Variants in SPPL2B observed in about 807,000 individuals in gnomAD.
SPPL2B encodes the protein signal peptide peptidase-like 2B.
SPPL2B carries 39 observed loss-of-function variants against 59.7 expected under a neutral mutation model. That is an observed-to-expected ratio of 0.65 (90% confidence interval 0.51 to 0.85). SPPL2B has a LOEUF of 0.85. SPPL2B is among the 40% of genes least tolerant of loss of function. The pLI, the probability that SPPL2B is intolerant of heterozygous loss-of-function variation, is 0.00. For synonymous variants in SPPL2B, 419 were observed against 370.8 expected, an observed-to-expected ratio of 1.13 and a Z score of -1.49; for missense variants, 865 against 849.0, an observed-to-expected ratio of 1.02 and a Z score of -0.23.
At chr19:2,345,181 G>T in intron 12 of SPPL2B, 72 bp from the exon 13 acceptor site, 1 of 1,377,088 alleles carries the variant, frequency 7.3e-7, no homozygotes, top group Non-Finnish European at 1.0e-6. Flanking sequence ...TCAGGTGCCC[G>T]CCCGCTCCCA....
chr19:2,341,469 C>G lies in SPPL2B; in HGVS notation c.956+455C>G, dbSNP rs1182001324. On this transcript the variant is annotated intron_variant, in intron 8 of 14. Coordinates refer to ENST00000613503, the MANE Select transcript of SPPL2B (RefSeq NM_152988.3). ...GGTGGAGGTGGGGCAGGCACTGCTCCCCCCACGCTCACCTCCCACGTGGCC... is the reference window on the plus strand; with the variant it reads ...GGTGGAGGTGGGGCAGGCACTGCTCGCCCCACGCTCACCTCCCACGTGGCC... The G allele has an allele frequency of 6.7e-6, 3 of 445,324 alleles. No homozygotes were observed. In the East Asian group the frequency reaches 2.1e-4, roughly 32 times the overall value. The allele number at this position is 445,324 out of a possible 1,614,324, so 27.6% of individuals were successfully genotyped here.
Position 2,351,548 on chromosome 19 carries a change from T to C in SPPL2B, c.1469T>C (p.Leu490Pro). 6.2e-7 allele frequency: 1 copy of C among 1,611,436 alleles called. No homozygotes were observed. Among genetic ancestry groups the C allele is most frequent in the Non-Finnish European group, 8.5e-7 (1 of 1,179,382 alleles). ...CTLVTSCAVA[L>P]WRRELGVFWT... ...CTGGTGACGAGCTGCGCTGTGGCGC[T>C]CTGGCGCCGGGAGCTGGGCGTGTTC... Residue 490 changes from leucine (L) to proline (P), a missense_variant, in exon 14 of 15, where the codon CTC (leucine) becomes CCC (proline). Transcript: ENST00000613503.
chr19:2,333,213 G>A (rs1414927144), intron 1 of SPPL2B, among the ~76,000 whole-genome samples: 1 of 131,238 alleles, frequency 7.6e-6, no homozygotes, highest in Non-Finnish European at 1.6e-5. Context: ...TGGGAGGGGA[G>A]CAGGAGGAGG....
rs773213163 is a variant in SPPL2B, at chr19:2,344,587, C to T, written c.1211C>T (p.Ser404Phe). 8 of 1,613,304 alleles carry T rather than the reference C, an allele frequency of 5.0e-6. No homozygotes were observed. The highest frequency in any genetic ancestry group is 5.9e-6 in the Non-Finnish European group (7 of 1,179,716). ...GTCCTGAAGGTGCCCAGGCTGAACT[C>T]CTCACCTCTGGCCCTGTGTGACCGG... The part of the protein sequence containing the change: ...PMVLKVPRLN[S>F]SPLALCDRPF... Residue 404 changes from serine (S) to phenylalanine (F), a missense_variant, in exon 12 of 15, where the codon TCC becomes TTC. Ser to Phe is a radical substitution (Grantham distance 155, BLOSUM62 -2). Coordinates refer to ENST00000613503, the MANE Select transcript of SPPL2B (RefSeq NM_152988.3).
chr19:2,350,812 C>T (rs557681153), intron 13 of SPPL2B, among the ~76,000 whole-genome samples: 2 of 152,372 alleles, frequency 1.3e-5, no homozygotes, highest in East Asian at 1.9e-4. Context: ...GGGACATGAG[C>T]AAGGGGGTCC....
intron 13 of SPPL2B, among the ~76,000 whole-genome samples, chr19:2,346,414 C>T (rs1969374585): frequency 1.3e-5 from 2 of 152,260 alleles, no homozygotes; most frequent in Admixed American, 6.5e-5. Flanking sequence ...GTCTGTGATC[C>T]CAGCTTTCTG....
At chr19:2,341,086 A>ACTCCCTGCC (rs746988265) in intron 8 of SPPL2B, 72 bp downstream of exon 8, 35 of 1,100,268 alleles carry the variant, frequency 3.2e-5, no homozygotes, top group Non-Finnish European at 3.9e-5. Flanking sequence ...TGGGGCCCTG[A>ACTCCCTGCC]CTCCCTGCCC....
At chr19:2,347,248 G>T (rs372677029) in intron 13 of SPPL2B, among the ~76,000 whole-genome samples, 652 of 85,884 alleles carry the variant, frequency 7.6e-3, no homozygotes, top group Middle Eastern at 0.019. Flanking sequence ...TTCGCTTGAT[G>T]CCGTTCTCTC....
At chr19:2,330,707 G>A (rs1011637275) in intron 1 of SPPL2B, 1 of 152,590 alleles carries the variant, frequency 6.6e-6, no homozygotes, top group African/African-American at 2.4e-5. Flanking sequence ...GCCCCAGGCA[G>A]AGAGTGAAGG....
chr19:2,342,761 G>C (rs890130869), intron 8 of SPPL2B: 2 of 183,288 alleles, frequency 1.1e-5, no homozygotes, highest in African/African-American at 4.7e-5. Flanking sequence ...ACAGCGTGAC[G>C]CCCACCATCC....
intron 12 of SPPL2B, 75 bp downstream of exon 12, chr19:2,344,727 G>A (rs1019276488): frequency 4.3e-6 from 4 of 926,346 alleles, no homozygotes; most frequent in African/African-American, 1.6e-5. Flanking sequence ...GCCTTTGGGA[G>A]TGAGTGGCCC....
chr19:2,350,386 C>T (rs567883418), intron 13 of SPPL2B, among the ~76,000 whole-genome samples: 2 of 149,876 alleles, frequency 1.3e-5, no homozygotes, highest in African/African-American at 4.9e-5. Context: ...CACACACACT[C>T]GCGTTCTCAT....
chr19:2,352,520 G>T (rs1302373527), intron 14 of SPPL2B, among the ~76,000 whole-genome samples: 1 of 152,166 alleles, frequency 6.6e-6, no homozygotes, highest in African/African-American at 2.4e-5. Context: ...GCCGAGCTGG[G>T]CTCATGGGTC....
At chr19:2,328,928 G>C (rs1020073421) in intron 1 of SPPL2B, among the ~76,000 whole-genome samples, 153 bp downstream of exon 1, 2 of 152,142 alleles carry the variant, frequency 1.3e-5, no homozygotes, top group African/African-American at 2.4e-5. Context: ...GCGGTGCCGG[G>C]GCTCGGCCGT....
intron 13 of SPPL2B, among the ~76,000 whole-genome samples, chr19:2,349,134 C>T (rs552817090): frequency 2.6e-5 from 3 of 114,604 alleles, no homozygotes; most frequent in South Asian, 3.2e-4. Flanking sequence ...CACACACACT[C>T]GCGTTCTCAT....
In SPPL2B at chr19:2,338,643, G is replaced by C. The variant is rs1041265344; in HGVS notation, c.370-109G>C. On this transcript the variant is annotated intron_variant, in intron 3 of 14. Transcript: ENST00000613503. ...GGGAGCCAGCAGGCGCCCCCAGCCT[G>C]ACCCGAGCCTCGAGTGAGGGTCCCA... is the stretch of plus-strand genomic sequence containing the variant. The C allele has an allele frequency of 1.1e-5, 8 of 710,022 alleles. No individual in the cohort carries two copies. In the African/African-American group the frequency reaches 1.3e-4, roughly 11 times the overall value. 44.0% of individuals were successfully genotyped at this position (710,022 alleles called of 1,614,324 possible). A position where few individuals can be genotyped will look rare whatever the true frequency, so the allele number is the denominator to read the frequency against.
chr19:2,335,776 ACT>A (rs952235890), intron 2 of SPPL2B, among the ~76,000 whole-genome samples: 2 of 149,586 alleles, frequency 1.3e-5, no homozygotes, highest in African/African-American at 2.5e-5. Context: ...CTCCTTTCCC[ACT>A]GTGTCCCGCC....
At chr19:2,334,077 C>T (rs948712408) in intron 1 of SPPL2B, among the ~76,000 whole-genome samples, 13 of 152,342 alleles carry the variant, frequency 8.5e-5, no homozygotes, top group South Asian at 2.1e-4. Flanking sequence ...CCTGGGCCCC[C>T]GTGTGCCTTG....
intron 8 of SPPL2B, chr19:2,341,941 A>T (rs994332348): frequency 3.9e-5 from 8 of 203,862 alleles, no homozygotes; most frequent in Non-Finnish European, 5.1e-5. Context: ...AAGAAATAAT[A>T]TAAAATCAGA....
Sources: gnomAD v4.1 joint callset for allele counts (sites outside exome capture counted in the v4.1 genomes callset) on GRCh38, gnomAD v4.1.1 for gene constraint, MANE v1.5 for transcripts, NCBI Gene and HGNC (gene_info 2026-07-23, HGNC 2026-07-21) for gene names.